Variants in CLASP2 observed in about 807,000 individuals in gnomAD.
CLASP2 encodes CLIP-associating protein 2.
CLASP2 carries 47 observed loss-of-function variants against 194.4 expected under a neutral mutation model. The observed-to-expected ratio is 0.24, with a 90% CI of 0.19 to 0.31. The LOEUF is 0.31. CLASP2 is among the 10% of genes least tolerant of loss of function. The probability of loss-of-function intolerance (pLI) is 1.00; values close to 1 mark genes in which losing one functional copy is unlikely to be tolerated. For synonymous variants in CLASP2, 619 were observed against 633.5 expected, an observed-to-expected ratio of 0.98 and a Z score of 0.34; for missense variants, 1,445 against 1,823.6, an observed-to-expected ratio of 0.79 and a Z score of 3.78.
intron 2 of CLASP2, among the ~76,000 whole-genome samples, chr3:33,691,768 G>C (rs1235441687): frequency 6.6e-6 from 1 of 152,194 alleles, no homozygotes. Context: ...TTTAATCCTT[G>C]CAACAGTCCT....
intron 2 of CLASP2, 47 bp from the exon 3 acceptor site, chr3:33,689,979 C>G (rs767420467): frequency 8.4e-7 from 1 of 1,192,488 alleles, no homozygotes; most frequent in East Asian, 2.7e-5. Flanking sequence ...TAACTCATCT[C>G]CATTAAAAAC....
intron 1 of CLASP2, among the ~76,000 whole-genome samples, chr3:33,714,939 C>T (rs756026619): frequency 6.6e-6 from 1 of 152,080 alleles, no homozygotes; most frequent in Non-Finnish European, 1.5e-5. Flanking sequence ...GAATAAAATC[C>T]TATGATGTTA....
chr3:33,602,826 T>C (rs1553836314), intron 18 of CLASP2, 126 bp downstream of exon 18: 1 of 1,014,642 alleles, frequency 9.9e-7, no homozygotes, highest in South Asian at 1.4e-5. Flanking sequence ...AATATAGAAT[T>C]ATATTAAAAC....
chr3:33,561,479 ATG>A (rs759238007), intron 27 of CLASP2, among the ~76,000 whole-genome samples: 1 of 152,182 alleles, frequency 6.6e-6, no homozygotes, highest in Non-Finnish European at 1.5e-5. Flanking sequence ...TTGGTATGGG[ATG>A]TATTATTTAT....
intron 34 of CLASP2, among the ~76,000 whole-genome samples, chr3:33,532,578 C>A (rs1201241086): frequency 1.3e-5 from 2 of 152,090 alleles, no homozygotes; most frequent in African/African-American, 4.8e-5. Context: ...ATTATTGGGA[C>A]AGCTGGCAAA....
chr3:33,584,088 A>C (rs1483484662), intron 22 of CLASP2, among the ~76,000 whole-genome samples: 1 of 152,220 alleles, frequency 6.6e-6, no homozygotes, highest in Non-Finnish European at 1.5e-5. Flanking sequence ...CAATACACAG[A>C]GAAAATATTA....
At chr3:33,714,663 A>C (rs934320343) in intron 1 of CLASP2, among the ~76,000 whole-genome samples, 2 of 152,182 alleles carry the variant, frequency 1.3e-5, no homozygotes, top group Admixed American at 6.5e-5. Flanking sequence ...AGCCACGATT[A>C]TCTCTCTGCT....
chr3:33,594,049 G>A (rs998718478), intron 20 of CLASP2, among the ~76,000 whole-genome samples: 1 of 152,042 alleles, frequency 6.6e-6, no homozygotes, highest in Non-Finnish European at 1.5e-5. Flanking sequence ...TCACTATGTC[G>A]TCCAAGCTGG....
At chr3:33,574,395 A>G in intron 24 of CLASP2, 3 of 827,108 alleles carry the variant, frequency 3.6e-6, no homozygotes, top group South Asian at 1.9e-5. Flanking sequence ...TTTTAATAGA[A>G]GACCATCATT....
intron 29 of CLASP2, chr3:33,559,089 A>G (rs1410725847): frequency 1.6e-6 from 1 of 644,654 alleles, no homozygotes; most frequent in East Asian, 3.0e-5. Flanking sequence ...GAGTTAAGAA[A>G]AGAAATAATG....
rs755303192 is a variant in CLASP2, at chr3:33,602,946, T to C, written c.1924+6A>G. 1 of 1,606,960 alleles carries C rather than the reference T, an allele frequency of 6.2e-7. No individual in the cohort carries two copies. ...TGGTACAATTTTCCATAATCAGTTC[T>C]CTTACCTAGTGACGCATAGGAACCT... On this transcript the variant is annotated splice_donor_region_variant and intron_variant, in intron 18 of 38. Coordinates refer to ENST00000682230, the MANE Select transcript of CLASP2 (RefSeq NM_001365631.1).
intron 27 of CLASP2, among the ~76,000 whole-genome samples, chr3:33,563,605 C>T (rs2062150814): frequency 6.6e-6 from 1 of 152,328 alleles, no homozygotes; most frequent in Non-Finnish European, 1.5e-5. Context: ...AACTACTCAA[C>T]TTTGCCATTT....
At chr3:33,568,571 A>AAAAAAAAAAAAAAAAC (rs2063190227) in intron 26 of CLASP2, among the ~76,000 whole-genome samples, 1 of 149,952 alleles carries the variant, frequency 6.7e-6, no homozygotes, top group South Asian at 2.1e-4. Context: ...AAAAAAAAAA[A>AAAAAAAAAAAAAAAAC]AAAATTACAC....
chr3:33,498,327 C>A lies in CLASP2; in HGVS notation c.*304G>T, dbSNP rs2046050343. The A allele has an allele frequency of 4.4e-6, 1 of 227,966 alleles. No individual in the cohort carries two copies. Among genetic ancestry groups the A allele is most frequent in the African/African-American group, 2.3e-5 (1 of 44,328 alleles). 14.1% of individuals were successfully genotyped at this position (227,966 alleles called of 1,614,324 possible). ...AAAATTTATACAATCATAACACTGG[C>A]AAAGGTTAATGGGAAGACAAAGTAC... On this transcript the variant is annotated 3_prime_UTR_variant, in exon 39 of 39. Transcript: ENST00000682230.
At chr3:33,528,742 A>G (rs2055309443) in intron 34 of CLASP2, among the ~76,000 whole-genome samples, 1 of 152,224 alleles carries the variant, frequency 6.6e-6, no homozygotes, top group African/African-American at 2.4e-5. Flanking sequence ...AGCCTGGGTG[A>G]CAGAGCAAGA....
chr3:33,677,209 T>C (rs1390850675), intron 6 of CLASP2, among the ~76,000 whole-genome samples: 2 of 152,148 alleles, frequency 1.3e-5, no homozygotes, highest in South Asian at 4.1e-4. Flanking sequence ...ACTGGGTATA[T>C]ACCCAAAGGA....
Position 33,688,394 on chromosome 3 carries a change from A to G in CLASP2, c.379-26T>C, listed in dbSNP as rs577871685. On this transcript the variant is annotated intron_variant, in intron 3 of 38. Transcript: ENST00000682230. ...CTATTTGAAAGAAAAGTAAAAACGTATAACAAAAAACTAAATTATTCATGT... is the reference window on the plus strand; with the variant it reads ...CTATTTGAAAGAAAAGTAAAAACGTGTAACAAAAAACTAAATTATTCATGT... 71 of 1,500,120 alleles carry G rather than the reference A, an allele frequency of 4.7e-5. 1 individual carries two copies. The East Asian group carries it at 4.9e-4, about 10-fold the overall frequency. The allele number at this position is 1,500,120 out of a possible 1,614,324, so 92.9% of individuals were successfully genotyped here.
At chr3:33,514,622 T>G in intron 36 of CLASP2, 1 of 284,156 alleles carries the variant, frequency 3.5e-6, no homozygotes, top group South Asian at 3.5e-5. Context: ...AATACAGTCC[T>G]TACAGAACTA....
At chr3:33,579,695 G>A (rs572734494) in intron 23 of CLASP2, among the ~76,000 whole-genome samples, 3 of 152,188 alleles carry the variant, frequency 2.0e-5, no homozygotes, top group Middle Eastern at 3.4e-3. Flanking sequence ...AGTTTTTCAC[G>A]TATTTCTCAT....
Sources: gnomAD v4.1 joint callset for allele counts (sites outside exome capture counted in the v4.1 genomes callset) on GRCh38, gnomAD v4.1.1 for gene constraint, MANE v1.5 for transcripts, NCBI Gene and HGNC (gene_info 2026-07-23, HGNC 2026-07-21) for gene names.